KYAT3: variants seen among roughly 807,000 people sequenced by gnomAD.
KYAT3 encodes the protein kynurenine--oxoglutarate transaminase 3.
In KYAT3, 50 loss-of-function variants were observed where a neutral mutation model predicts 59.0. That is an observed-to-expected ratio of 0.85 (90% confidence interval 0.68 to 1.07). KYAT3 has a LOEUF of 1.07. KYAT3 is among the 50% of genes least tolerant of loss of function. KYAT3 has a pLI of 0.00. For synonymous variants in KYAT3, 148 were observed against 177.0 expected (o/e 0.84, Z 1.30); for missense variants, 497 against 533.3 (o/e 0.93, Z 0.67).
chr1:88,967,245 G>A (rs1676384066), intron 4 of KYAT3, among the ~76,000 whole-genome samples: 1 of 151,626 alleles, frequency 6.6e-6, no homozygotes. Context: ...TATGAGACCA[G>A]CATTACCCTG....
At chr1:88,948,694 G>GA (rs1675543542) in intron 11 of KYAT3, among the ~76,000 whole-genome samples, 1 of 152,106 alleles carries the variant, frequency 6.6e-6, no homozygotes, top group Non-Finnish European at 1.5e-5. Context: ...AATATTCCCT[G>GA]ATAGCTTCAA....
chr1:88,951,452 C>A (rs1420068291), intron 10 of KYAT3, among the ~76,000 whole-genome samples: 1 of 151,994 alleles, frequency 6.6e-6, no homozygotes, highest in Non-Finnish European at 1.5e-5. Context: ...CCAGGCTGGT[C>A]TCGAACTCCT....
chr1:88,949,600 T>G (rs1249346546), intron 10 of KYAT3, among the ~76,000 whole-genome samples: 5 of 152,232 alleles, frequency 3.3e-5, no homozygotes, highest in Non-Finnish European at 5.9e-5. Context: ...AGTTGTAGAA[T>G]GACTTGCTAA....
At chr1:88,923,612 T>G in the KYAT3 span, 1 of 158,178 alleles carries the variant, frequency 6.3e-6, no homozygotes, top group Non-Finnish European at 1.4e-5. Context: ...CACTGAGAAC[T>G]TTTGATTTCA....
chr1:88,965,026 CTACTGTTTGAGG>C, intron 4 of KYAT3, 48 bp from the exon 5 acceptor site: 3 of 1,482,268 alleles, frequency 2.0e-6, no homozygotes, highest in Non-Finnish European at 2.7e-6. Context: ...AATATGGGAC[CTACTGTTTGAGG>C]TAATATGGCT....
chr1:88,938,332 C>T (rs571903534), intron 13 of KYAT3, among the ~76,000 whole-genome samples: 1 of 152,184 alleles, frequency 6.6e-6, no homozygotes, highest in South Asian at 2.1e-4. Flanking sequence ...AGATTTTCAT[C>T]CATCTTTCTT....
intron 2 of KYAT3, among the ~76,000 whole-genome samples, chr1:88,987,605 C>G (rs1166288663): frequency 6.6e-6 from 1 of 152,136 alleles, no homozygotes; most frequent in Non-Finnish European, 1.5e-5. Context: ...CACTCATATG[C>G]ACACTACCCA....
intron 9 of KYAT3, among the ~76,000 whole-genome samples, chr1:88,954,888 A>G (rs1007550787): frequency 1.3e-5 from 2 of 152,186 alleles, no homozygotes; most frequent in Non-Finnish European, 2.9e-5. Context: ...CAGCCTCCCA[A>G]GTTGCTGGGA....
chr1:88,983,732 C>A, intron 2 of KYAT3: 1 of 1,614,060 alleles, frequency 6.2e-7, no homozygotes, highest in African/African-American at 1.3e-5. Context: ...CACTATTCGT[C>A]CATATTTGCC....
downstream of KYAT3, among the ~76,000 whole-genome samples, chr1:88,934,678 G>A (rs917738404): frequency 6.6e-6 from 1 of 152,140 alleles, no homozygotes; most frequent in African/African-American, 2.4e-5. Context: ...AATAATTCAA[G>A]GCAGCAAAAG....
At chr1:88,965,111 AT>A in intron 4 of KYAT3, 133 bp from the exon 5 acceptor site, 3 of 644,740 alleles carry the variant, frequency 4.7e-6, no homozygotes, top group South Asian at 4.2e-5. Flanking sequence ...GAAAATTTAT[AT>A]TTTTTAATGG....
chr1:88,972,115 G>A (rs1291503895), intron 2 of KYAT3, among the ~76,000 whole-genome samples: 23 of 152,182 alleles, frequency 1.5e-4, no homozygotes, highest in Admixed American at 1.5e-3. Context: ...TGTGAGGGCT[G>A]GCAAATCTGA....
At chr1:88,980,806 A>C (rs1295353030) in intron 2 of KYAT3, 1 of 152,196 alleles carries the variant, frequency 6.6e-6, no homozygotes, top group African/African-American at 2.4e-5. Context: ...CCAAGTAATC[A>C]TAAGAATATG....
chr1:88,972,984 G>A (rs535701672), intron 2 of KYAT3, among the ~76,000 whole-genome samples: 4 of 152,278 alleles, frequency 2.6e-5, no homozygotes, highest in Admixed American at 1.3e-4. Flanking sequence ...ATCTTATGTG[G>A]ATATAGGGTT....
At chr1:88,930,735 G>C in the KYAT3 span, among the ~76,000 whole-genome samples, 1 of 152,248 alleles carries the variant, frequency 6.6e-6, no homozygotes, top group Non-Finnish European at 1.5e-5. Context: ...GCAATATAGA[G>C]AGAAAGGGAA....
chr1:88,924,239 T>G, the KYAT3 span, among the ~76,000 whole-genome samples: 1 of 152,334 alleles, frequency 6.6e-6, no homozygotes, highest in Non-Finnish European at 1.5e-5. Flanking sequence ...GCTGAGGCCA[T>G]GGACTGACAG....
At chr1:88,966,876 C>G (rs949914577) in intron 4 of KYAT3, among the ~76,000 whole-genome samples, 2 of 151,998 alleles carry the variant, frequency 1.3e-5, no homozygotes, top group African/African-American at 4.8e-5. Flanking sequence ...TTCTAATTGG[C>G]TGAAAACTTT....
chr1:88,932,345 G>A (rs111791590), downstream of KYAT3, among the ~76,000 whole-genome samples: 489 of 152,194 alleles, frequency 3.2e-3, 2 homozygotes, highest in African/African-American at 0.011. Context: ...TAGACTATTA[G>A]ACTATTGATA....
At chr1:88,985,258 A>G (rs370480209) in intron 2 of KYAT3, among the ~76,000 whole-genome samples, 44 of 152,224 alleles carry the variant, frequency 2.9e-4, no homozygotes, top group African/African-American at 1.0e-3. Flanking sequence ...GTCCTCACCC[A>G]TATCAATAGG....
Sources: allele counts gnomAD v4.1 joint callset (sites outside exome capture counted in the v4.1 genomes callset), GRCh38; gene constraint gnomAD v4.1.1; transcripts MANE v1.5; gene names NCBI Gene and HGNC (gene_info 2026-07-23, HGNC 2026-07-21).